CAPZB: variants seen among roughly 807,000 people sequenced by gnomAD.
The protein encoded by CAPZB is capping actin protein of muscle Z-line subunit beta.
CAPZB carries 2 observed loss-of-function variants against 38.1 expected under a neutral mutation model. The ratio of observed to expected loss-of-function variants is 0.05; its 90% CI spans 0.02 to 0.17. The LOEUF is 0.17. CAPZB is among the 10% of genes least tolerant of loss of function. The pLI, the probability that CAPZB is intolerant of heterozygous loss-of-function variation, is 1.00. For missense variants in CAPZB, 161 were observed against 334.2 expected, an observed-to-expected ratio of 0.48 and a Z score of 4.04; for synonymous variants, 107 against 127.4, an observed-to-expected ratio of 0.84 and a Z score of 1.08.
intron 8 of CAPZB, 48 bp from the exon 9 acceptor site, chr1:19,339,665 A>T: frequency 1.4e-6 from 2 of 1,394,324 alleles, no homozygotes; most frequent in Non-Finnish European, 2.0e-6. Flanking sequence ...GGGACTGGTG[A>T]GGCGGTGGAG....
intron 2 of CAPZB, among the ~76,000 whole-genome samples, chr1:19,413,587 G>C (rs2100457689): frequency 6.6e-6 from 1 of 152,216 alleles, no homozygotes; most frequent in East Asian, 1.9e-4. Context: ...TCCCACCTTG[G>C]CCTCCCAAAG....
chr1:19,364,385 G>A (rs1395982495), intron 4 of CAPZB, among the ~76,000 whole-genome samples: 1 of 152,212 alleles, frequency 6.6e-6, no homozygotes, highest in Non-Finnish European at 1.5e-5. Flanking sequence ...TCCAGTGACA[G>A]TGAACTCATT....
At chr1:19,370,108 CCGCA>C (rs1305302470) in intron 4 of CAPZB, among the ~76,000 whole-genome samples, 1 of 152,210 alleles carries the variant, frequency 6.6e-6, no homozygotes, top group Non-Finnish European at 1.5e-5. Context: ...CACCCAGAGC[CCGCA>C]CCCCACAGGC....
At chr1:19,454,413 G>A (rs536968343) in intron 1 of CAPZB, among the ~76,000 whole-genome samples, 193 of 152,284 alleles carry the variant, frequency 1.3e-3, no homozygotes, top group African/African-American at 4.4e-3. Flanking sequence ...TCCAGAGAAA[G>A]TCAAGCAAAT....
intron 1 of CAPZB, among the ~76,000 whole-genome samples, chr1:19,483,484 A>G (rs1331112427): frequency 6.6e-6 from 1 of 152,256 alleles, no homozygotes; most frequent in Non-Finnish European, 1.5e-5. Flanking sequence ...GTACAGGTGA[A>G]GCACACCACA....
intron 6 of CAPZB, among the ~76,000 whole-genome samples, chr1:19,355,453 C>T (rs2094015542): frequency 6.6e-6 from 1 of 151,502 alleles, no homozygotes. Context: ...CGAGATCACA[C>T]CACTGTACTC....
chr1:19,376,436 T>C (rs535404611), intron 4 of CAPZB, among the ~76,000 whole-genome samples: 1 of 152,324 alleles, frequency 6.6e-6, no homozygotes, highest in African/African-American at 2.4e-5. Context: ...CTCTTTCAAA[T>C]TGACTTCCAA....
At chr1:19,360,691 G>T (rs576262692) in intron 4 of CAPZB, among the ~76,000 whole-genome samples, 33 of 152,240 alleles carry the variant, frequency 2.2e-4, no homozygotes, top group African/African-American at 7.9e-4. Flanking sequence ...TAAAACAACC[G>T]CATTAAAGTT....
At chr1:19,407,093 A>T (rs1307854523) in intron 2 of CAPZB, among the ~76,000 whole-genome samples, 1 of 152,206 alleles carries the variant, frequency 6.6e-6, no homozygotes, top group African/African-American at 2.4e-5. Flanking sequence ...GAAACACCTA[A>T]CCAAGAATTT....
rs75343973 is a variant in CAPZB at position 19,437,017 on chromosome 1, G to A, written c.4-17267C>T. ...GAGGGCTGGATTAGGCTCAGTGATC[G>A]AAGCTGAGCAAGTTTCAGCACATAC... On this transcript the variant is annotated intron_variant, in intron 1 of 8. Coordinates refer to ENST00000264202, the MANE Select transcript of CAPZB (RefSeq NM_004930.5). 6.1e-3 allele frequency among the ~76,000 whole-genome samples: 932 copies of A among 152,320 alleles called. 4 individuals are homozygous for A. The highest frequency in any genetic ancestry group is 9.9e-3 in the Non-Finnish European group (672 of 68,024).
At chr1:19,401,732 A>G (rs545378807) in intron 2 of CAPZB, among the ~76,000 whole-genome samples, 12 of 152,150 alleles carry the variant, frequency 7.9e-5, no homozygotes, top group African/African-American at 2.9e-4. Flanking sequence ...TTTTGTTTGC[A>G]TTTTTCCAAG....
intron 6 of CAPZB, among the ~76,000 whole-genome samples, chr1:19,355,410 G>A (rs1277043414): frequency 8.6e-5 from 13 of 150,966 alleles, no homozygotes; most frequent in African/African-American, 2.0e-4. Context: ...CAGGAGAATC[G>A]CTTGAACCCG....
At chr1:19,417,673 C>A (rs191148839) in intron 2 of CAPZB, among the ~76,000 whole-genome samples, 23 of 152,268 alleles carry the variant, frequency 1.5e-4, no homozygotes, top group Admixed American at 1.4e-3. Context: ...TTCAAGGATA[C>A]CTCCTACCTA....
At chr1:19,440,039 C>T (rs2094470723) in intron 1 of CAPZB, among the ~76,000 whole-genome samples, 1 of 152,226 alleles carries the variant, frequency 6.6e-6, no homozygotes, top group South Asian at 2.1e-4. Context: ...GTTTTCCCTA[C>T]AGCTGACGTA....
intron 4 of CAPZB, among the ~76,000 whole-genome samples, chr1:19,373,760 T>C (rs997825278): frequency 1.3e-5 from 2 of 151,988 alleles, no homozygotes; most frequent in African/African-American, 4.8e-5. Flanking sequence ...GGCATGACTA[T>C]AGCTCACTGT....
chr1:19,383,232 G>A (rs1049911582), intron 3 of CAPZB, among the ~76,000 whole-genome samples: 1 of 151,994 alleles, frequency 6.6e-6, no homozygotes, highest in South Asian at 2.1e-4. Context: ...GATCATTTGA[G>A]GTCAGGAGTT....
intron 4 of CAPZB, among the ~76,000 whole-genome samples, chr1:19,362,457 T>C (rs931407437): frequency 2.4e-4 from 36 of 152,016 alleles, no homozygotes; most frequent in African/African-American, 8.5e-4. Flanking sequence ...GGCTGGTCTC[T>C]AACTCCTGGC....
At chr1:19,423,096 T>G (rs1180690450) in intron 1 of CAPZB, among the ~76,000 whole-genome samples, 1 of 152,180 alleles carries the variant, frequency 6.6e-6, no homozygotes, top group Non-Finnish European at 1.5e-5. Flanking sequence ...TTGACAGCAC[T>G]AGAATACTAC....
At chr1:19,421,276 G>A (rs183501282) in intron 1 of CAPZB, among the ~76,000 whole-genome samples, 3 of 152,340 alleles carry the variant, frequency 2.0e-5, no homozygotes, top group East Asian at 3.9e-4. Flanking sequence ...CAAGTAGGCC[G>A]TGGGGCAAGG....
Sources: allele counts gnomAD v4.1 joint callset (sites outside exome capture counted in the v4.1 genomes callset), GRCh38; gene constraint gnomAD v4.1.1; transcripts MANE v1.5; gene names NCBI Gene and HGNC (gene_info 2026-07-23, HGNC 2026-07-21).